Variants in SLC9D1 observed in about 807,000 individuals in gnomAD.
SLC9D1 encodes putative LAG1-interacting protein.
At chr13:113,511,526 G>A in the SLC9D1 span, among the ~76,000 whole-genome samples, 2 of 152,180 alleles carry the variant, frequency 1.3e-5, no homozygotes, top group South Asian at 2.1e-4. Context: ...AAAAATCTGC[G>A]GCTTTCTGCG....
chr13:113,525,999 T>C, the SLC9D1 span, among the ~76,000 whole-genome samples: 1 of 141,906 alleles, frequency 7.0e-6, no homozygotes, highest in African/African-American at 2.8e-5. Context: ...CCGGTTATTC[T>C]AGAAGAAGCC....
chr13:113,520,462 C>T, the SLC9D1 span: 99 of 507,086 alleles, frequency 2.0e-4, no homozygotes, highest in African/African-American at 1.8e-3. Context: ...CCAGCCTGGG[C>T]GACAGAGCAA....
At chr13:113,520,195 T>C in the SLC9D1 span, among the ~76,000 whole-genome samples, 1 of 152,148 alleles carries the variant, frequency 6.6e-6, no homozygotes, top group Non-Finnish European at 1.5e-5. Flanking sequence ...CTTAAAAATG[T>C]AAAGTGCCGG....
chr13:113,547,385 G>A, the SLC9D1 span: 589 of 1,610,732 alleles, frequency 3.7e-4, 14 homozygotes, highest in East Asian at 0.013. Flanking sequence ...TGAAGGTATG[G>A]ACTGGAAGGG....
the SLC9D1 span, chr13:113,536,659 C>G: frequency 8.7e-5 from 68 of 777,318 alleles, 1 homozygote; most frequent in Admixed American, 3.6e-3. Flanking sequence ...CAGCCCTCAC[C>G]GTGCACCTGC....
chr13:113,523,929 GTCTT>G, the SLC9D1 span, among the ~76,000 whole-genome samples: 3 of 152,194 alleles, frequency 2.0e-5, no homozygotes, highest in Non-Finnish European at 4.4e-5. Flanking sequence ...TTTTCCTGAT[GTCTT>G]TCTGTTACTG....
At chr13:113,521,417 T>C in the SLC9D1 span, among the ~76,000 whole-genome samples, 2 of 151,772 alleles carry the variant, frequency 1.3e-5, no homozygotes, top group South Asian at 2.1e-4. Flanking sequence ...TATATCTGCA[T>C]GCATGTGTGG....
chr13:113,524,935 G>A, the SLC9D1 span, among the ~76,000 whole-genome samples: 3 of 151,856 alleles, frequency 2.0e-5, no homozygotes, highest in Non-Finnish European at 2.9e-5. Context: ...TTTTTGTCTC[G>A]TTACTCTTTT....
chr13:113,515,135 G>T, the SLC9D1 span, among the ~76,000 whole-genome samples: 1 of 152,162 alleles, frequency 6.6e-6, no homozygotes, highest in Admixed American at 6.5e-5. Flanking sequence ...TTTGCAATCA[G>T]AAAATTCCAT....
the SLC9D1 span, among the ~76,000 whole-genome samples, chr13:113,506,703 C>T: frequency 6.6e-6 from 1 of 152,156 alleles, no homozygotes; most frequent in Non-Finnish European, 1.5e-5. Context: ...ACCTGTGTTC[C>T]TCTCCTGTAC....
At chr13:113,536,653 C>A in the SLC9D1 span, 1 of 845,218 alleles carries the variant, frequency 1.2e-6, no homozygotes, top group Non-Finnish European at 1.4e-6. Flanking sequence ...TCTGGGCAGC[C>A]CTCACCGTGC....
chr13:113,534,181 A>C, the SLC9D1 span: 3 of 1,614,154 alleles, frequency 1.9e-6, no homozygotes, highest in South Asian at 2.2e-5. Flanking sequence ...CATGGAAAGC[A>C]AGGGGAACAA....
At chr13:113,549,927 A>T in the SLC9D1 span, 2 of 478,562 alleles carry the variant, frequency 4.2e-6, no homozygotes, top group Non-Finnish European at 7.4e-6. Flanking sequence ...CAACTTCAGA[A>T]TTATAATCTG....
the SLC9D1 span, among the ~76,000 whole-genome samples, chr13:113,498,897 CA>C: frequency 0.18 from 27,978 of 151,814 alleles, 3,367 homozygotes; most frequent in African/African-American, 0.35. Context: ...GTTCTTGGAT[CA>C]GGGGTAGTCC....
the SLC9D1 span, chr13:113,524,077 A>AG: frequency 2.2e-6 from 1 of 455,606 alleles, no homozygotes; most frequent in Non-Finnish European, 4.4e-6. Flanking sequence ...GAGGAAAAAA[A>AG]AGTGTATTCT....
chr13:113,501,286 GA>G, the SLC9D1 span, among the ~76,000 whole-genome samples: 2 of 152,030 alleles, frequency 1.3e-5, no homozygotes, highest in African/African-American at 4.8e-5. Context: ...AAAATATTCA[GA>G]AAAAAGACCC....
chr13:113,514,485 G>T, the SLC9D1 span: 1 of 150,458 alleles, frequency 6.6e-6, no homozygotes, highest in Non-Finnish European at 1.5e-5. Flanking sequence ...TGAGATCGAC[G>T]CCATCCACAC....
At chr13:113,497,680 C>CT in the SLC9D1 span, among the ~76,000 whole-genome samples, 6 of 152,192 alleles carry the variant, frequency 3.9e-5, no homozygotes, top group South Asian at 1.2e-3. Flanking sequence ...ACCTGCAGCT[C>CT]TTTGTCAGTG....
chr13:113,523,643 C>T, the SLC9D1 span, among the ~76,000 whole-genome samples: 6 of 151,018 alleles, frequency 4.0e-5, no homozygotes, highest in African/African-American at 1.5e-4. Context: ...TTAGTTTCTA[C>T]CCTCACCTTC....
Sources: gnomAD v4.1 joint callset for allele counts (sites outside exome capture counted in the v4.1 genomes callset) on GRCh38, gnomAD v4.1.1 for gene constraint, MANE v1.5 for transcripts, NCBI Gene and HGNC (gene_info 2026-07-23, HGNC 2026-07-21) for gene names.